ADAMTSL3: variants seen among roughly 807,000 people sequenced by gnomAD.
ADAMTSL3 encodes ADAMTS-like protein 3.
A neutral mutation model predicts 201.7 loss-of-function variants in ADAMTSL3; 128 were observed. The ratio of observed to expected loss-of-function variants is 0.63; its 90% CI spans 0.55 to 0.73. ADAMTSL3 has a LOEUF of 0.73. Ranked by LOEUF, ADAMTSL3 falls within the 30% of genes least tolerant of loss-of-function variation. The pLI, the probability that ADAMTSL3 is intolerant of heterozygous loss-of-function variation, is 0.00. For synonymous variants in ADAMTSL3, 738 were observed against 748.4 expected (o/e 0.99, Z 0.23); for missense variants, 1,990 against 2,119.6 (o/e 0.94, Z 1.20).
At chr15:83,678,742 A>ATATATATTATATATATATTGTG in intron 2 of ADAMTSL3, among the ~76,000 whole-genome samples, 1 of 144,296 alleles carries the variant, frequency 6.9e-6, no homozygotes, top group Non-Finnish European at 1.5e-5. Context: ...ATTGCCTAAT[A>ATATATATTATATATATATTGTG]TATATATTAT....
intron 19 of ADAMTSL3, among the ~76,000 whole-genome samples, chr15:83,951,544 G>A (rs1163023113): frequency 6.6e-6 from 1 of 152,184 alleles, no homozygotes; most frequent in African/African-American, 2.4e-5. Flanking sequence ...GAGTTTGGAA[G>A]TATTCTATCC....
At position 83,816,167 on chromosome 15, in the gene ADAMTSL3, C is replaced by T. The variant is rs141669305; in HGVS notation, c.364-3644C>T. ...ACTGTCTTTCCTCCTCCTTTCTTAC[C>T]GAATTCATTCTTCTTTGCTGTGGGA... On this transcript the variant is annotated intron_variant, in intron 5 of 29. Coordinates refer to ENST00000286744, the MANE Select transcript of ADAMTSL3 (RefSeq NM_207517.3). Among the ~76,000 whole-genome samples the T allele has an allele frequency of 3.2e-4, 48 of 152,326 alleles. 1 individual carries two copies. The highest frequency in any genetic ancestry group is 7.9e-4 in the African/African-American group (33 of 41,568).
At chr15:84,016,940 A>G (rs2068097093) in intron 25 of ADAMTSL3, among the ~76,000 whole-genome samples, 1 of 152,332 alleles carries the variant, frequency 6.6e-6, no homozygotes, top group Non-Finnish European at 1.5e-5. Context: ...TAAGTATTAC[A>G]AGCTTATAAA....
At chr15:83,816,863 G>T (rs562162347) in intron 5 of ADAMTSL3, among the ~76,000 whole-genome samples, 153 of 152,314 alleles carry the variant, frequency 1.0e-3, no homozygotes, top group African/African-American at 3.5e-3. Context: ...GGATGTAGTG[G>T]CTCGTGCCTG....
chr15:83,770,884 G>A (rs1008940217), intron 3 of ADAMTSL3, among the ~76,000 whole-genome samples: 2 of 152,194 alleles, frequency 1.3e-5, no homozygotes, highest in Admixed American at 6.5e-5. Context: ...TGGCTAACAC[G>A]GTGAAACCCC....
intron 13 of ADAMTSL3, among the ~76,000 whole-genome samples, chr15:83,895,269 A>G (rs2065588878): frequency 1.3e-5 from 2 of 152,158 alleles, no homozygotes; most frequent in Admixed American, 6.5e-5. Flanking sequence ...CAGCTGCAAA[A>G]GGATTTGTTA....
intron 3 of ADAMTSL3, among the ~76,000 whole-genome samples, chr15:83,761,977 T>C (rs1000636487): frequency 2.6e-5 from 4 of 152,154 alleles, no homozygotes; most frequent in African/African-American, 9.7e-5. Context: ...ATGTGGCACA[T>C]GTGATTCCTC....
chr15:83,976,360 A>G lies in ADAMTSL3; in HGVS notation c.2644+5723A>G, dbSNP rs568790854. Reference sequence around the variant, plus strand: ...AGGAGGAAATCTAGATCAGTGGTCTACAGCCATTTTGGCACCAGGGACCAG... The same window carrying G: ...AGGAGGAAATCTAGATCAGTGGTCTGCAGCCATTTTGGCACCAGGGACCAG... On this transcript the variant is annotated intron_variant, in intron 20 of 29. Transcript: ENST00000286744. Among the ~76,000 whole-genome samples, 6 of 152,252 alleles carry G rather than the reference A, an allele frequency of 3.9e-5. No homozygotes were observed. The East Asian group carries it at 1.2e-3, about 29-fold the overall frequency.
intron 2 of ADAMTSL3, among the ~76,000 whole-genome samples, chr15:83,669,443 C>T (rs764048505): frequency 8.8e-5 from 12 of 137,108 alleles, no homozygotes; most frequent in South Asian, 4.7e-4. Context: ...TGCACCTGGC[C>T]GGGAGTGAGG....
chr15:84,025,652 G>A (rs2068292495), intron 27 of ADAMTSL3: 1 of 479,218 alleles, frequency 2.1e-6, no homozygotes, highest in African/African-American at 2.0e-5. Context: ...TGGGTTCTTT[G>A]AATGCAGTGA....
At chr15:83,849,841 A>T (rs191725422) in intron 7 of ADAMTSL3, among the ~76,000 whole-genome samples, 56 of 152,346 alleles carry the variant, frequency 3.7e-4, no homozygotes, top group Middle Eastern at 6.8e-3. Context: ...AGAATTTGTG[A>T]ACCAAATGCC....
At chr15:83,911,683 G>A (rs1462867915) in intron 15 of ADAMTSL3, among the ~76,000 whole-genome samples, 1 of 152,198 alleles carries the variant, frequency 6.6e-6, no homozygotes, top group Non-Finnish European at 1.5e-5. Flanking sequence ...CACGTATATA[G>A]TAATGGCATT....
intron 7 of ADAMTSL3, among the ~76,000 whole-genome samples, chr15:83,845,020 A>G (rs1440303334): frequency 1.3e-5 from 2 of 152,208 alleles, no homozygotes. Flanking sequence ...AGATTCCAGA[A>G]TGTCAGGTGC....
At chr15:83,772,612 AG>A (rs1432517598) in intron 3 of ADAMTSL3, among the ~76,000 whole-genome samples, 1 of 152,156 alleles carries the variant, frequency 6.6e-6, no homozygotes, top group Non-Finnish European at 1.5e-5. Context: ...AGATTCTCTC[AG>A]GAGGTTCCAC....
chr15:83,663,808 A>G (rs2061209622), intron 2 of ADAMTSL3, among the ~76,000 whole-genome samples: 1 of 152,256 alleles, frequency 6.6e-6, no homozygotes, highest in Admixed American at 6.5e-5. Context: ...AATCTGCAAT[A>G]CAGAGTTATT....
At chr15:83,754,925 T>C (rs1173665701) in intron 3 of ADAMTSL3, among the ~76,000 whole-genome samples, 1 of 152,208 alleles carries the variant, frequency 6.6e-6, no homozygotes, top group African/African-American at 2.4e-5. Flanking sequence ...CAATGGTACT[T>C]AATTTCCCTA....
In ADAMTSL3 at chr15:83,978,722, G is replaced by A. The variant is rs923878978; in HGVS notation, c.2645-3551G>A. ...ATTCCGATCTCTGGCTGGAATCCCC[G>A]TTTACTCCCCAGGCACACCTGCCAG... On this transcript the variant is annotated intron_variant, in intron 20 of 29. Transcript: ENST00000286744. Among the ~76,000 whole-genome samples, 9 of 152,310 alleles carry A rather than the reference G, an allele frequency of 5.9e-5. 1 individual carries two copies. Among genetic ancestry groups the A allele is most frequent in the South Asian group, 2.1e-4 (1 of 4,824 alleles).
chr15:83,928,188 C>T (rs1482553060), intron 17 of ADAMTSL3, among the ~76,000 whole-genome samples: 3 of 151,936 alleles, frequency 2.0e-5, no homozygotes, highest in East Asian at 3.9e-4. Context: ...TTTTCTCTGT[C>T]ATCTAAGCTG....
At chr15:83,713,221 T>C (rs191314964) in intron 3 of ADAMTSL3, among the ~76,000 whole-genome samples, 1 of 152,316 alleles carries the variant, frequency 6.6e-6, no homozygotes, top group Admixed American at 6.5e-5. Flanking sequence ...CGATCAGCCA[T>C]GAAATACAGC....
Sources: gnomAD v4.1 joint callset for allele counts (sites outside exome capture counted in the v4.1 genomes callset) on GRCh38, gnomAD v4.1.1 for gene constraint, MANE v1.5 for transcripts, NCBI Gene and HGNC (gene_info 2026-07-23, HGNC 2026-07-21) for gene names.